Variants in ZFAND3 observed in about 807,000 individuals in gnomAD.
The protein encoded by ZFAND3 is zinc finger AN1-type containing 3.
In ZFAND3, 10 loss-of-function variants were observed where a neutral mutation model predicts 29.6. The observed-to-expected ratio is 0.34, with a 90% CI of 0.21 to 0.57. ZFAND3 has a LOEUF of 0.57. Among genes scored for constraint, ZFAND3 ranks in the 20% least tolerant of loss-of-function variants. The probability of loss-of-function intolerance (pLI) is 0.86; values close to 1 mark genes in which losing one functional copy is unlikely to be tolerated. For synonymous variants in ZFAND3, 128 were observed against 112.6 expected, an observed-to-expected ratio of 1.14 and a Z score of -0.87; for missense variants, 230 against 304.5, an observed-to-expected ratio of 0.76 and a Z score of 1.82.
intron 1 of ZFAND3, among the ~76,000 whole-genome samples, chr6:37,903,244 G>A (rs1765351916): frequency 6.6e-6 from 1 of 152,126 alleles, no homozygotes; most frequent in Non-Finnish European, 1.5e-5. Flanking sequence ...AATTTAAGGT[G>A]TAAATATTTA....
At chr6:37,910,935 T>C (rs748488128) in intron 1 of ZFAND3, among the ~76,000 whole-genome samples, 14 of 152,346 alleles carry the variant, frequency 9.2e-5, no homozygotes, top group Non-Finnish European at 1.5e-4. Flanking sequence ...ATTTTATCCA[T>C]GCATCCATTA....
At chr6:37,885,666 T>C (rs896693852) in intron 1 of ZFAND3, among the ~76,000 whole-genome samples, 1 of 151,966 alleles carries the variant, frequency 6.6e-6, no homozygotes, top group African/African-American at 2.4e-5. Flanking sequence ...TAAAAATAGA[T>C]GTAGAGCTGA....
chr6:37,985,527 A>ACACACCCCCCC (rs753070737), intron 2 of ZFAND3, among the ~76,000 whole-genome samples: 2 of 141,656 alleles, frequency 1.4e-5, no homozygotes, highest in Non-Finnish European at 3.2e-5. Flanking sequence ...ACACACACAC[A>ACACACCCCCCC]CCCCCACACA....
intron 1 of ZFAND3, among the ~76,000 whole-genome samples, chr6:37,868,238 GT>G (rs1764624064): frequency 6.6e-6 from 1 of 152,182 alleles, no homozygotes; most frequent in South Asian, 2.1e-4. Flanking sequence ...TCCCTGCCCT[GT>G]AGGAGTGATA....
chr6:37,939,614 T>C (rs527945856), intron 2 of ZFAND3, among the ~76,000 whole-genome samples: 2 of 152,320 alleles, frequency 1.3e-5, no homozygotes, highest in East Asian at 3.9e-4. Context: ...ATGGAAGAGA[T>C]GTGCACTCAA....
At chr6:37,959,794 G>C (rs1259598923) in intron 2 of ZFAND3, among the ~76,000 whole-genome samples, 2 of 152,062 alleles carry the variant, frequency 1.3e-5, no homozygotes, top group Non-Finnish European at 2.9e-5. Context: ...AGACTAAATA[G>C]AGGCTAGTTC....
At chr6:37,955,980 T>G (rs1762080046) in intron 2 of ZFAND3, among the ~76,000 whole-genome samples, 1 of 152,014 alleles carries the variant, frequency 6.6e-6, no homozygotes, top group Non-Finnish European at 1.5e-5. Flanking sequence ...GGAGGGTGGT[T>G]TAGAGTCGGG....
At chr6:37,933,683 C>G (rs1425276147) in intron 2 of ZFAND3, among the ~76,000 whole-genome samples, 1 of 152,120 alleles carries the variant, frequency 6.6e-6, no homozygotes, top group Non-Finnish European at 1.5e-5. Flanking sequence ...GAAGAGGGCC[C>G]AACCTGGCTG....
chr6:37,904,904 A>G (rs1304504535), intron 1 of ZFAND3, among the ~76,000 whole-genome samples: 2 of 152,188 alleles, frequency 1.3e-5, no homozygotes, highest in Non-Finnish European at 2.9e-5. Flanking sequence ...GAACCCTGCT[A>G]CATGTTGTGT....
chr6:37,976,877 GA>G (rs1762488094), intron 2 of ZFAND3, among the ~76,000 whole-genome samples: 1 of 152,098 alleles, frequency 6.6e-6, no homozygotes, highest in African/African-American at 2.4e-5. Flanking sequence ...TCCTGGTGGG[GA>G]CACGTGGGGA....
At chr6:37,820,594 T>C (rs562551667) in intron 1 of ZFAND3, among the ~76,000 whole-genome samples, 3 of 152,308 alleles carry the variant, frequency 2.0e-5, no homozygotes, top group Admixed American at 1.3e-4. Context: ...AGTTATAAGA[T>C]TGTTGAGGTC....
At chr6:37,900,467 T>C (rs1765299044) in intron 1 of ZFAND3, among the ~76,000 whole-genome samples, 1 of 152,250 alleles carries the variant, frequency 6.6e-6, no homozygotes, top group African/African-American at 2.4e-5. Flanking sequence ...AAAATTTTAA[T>C]ATCAAATAAT....
At chr6:37,985,193 T>C (rs544391128) in intron 2 of ZFAND3, among the ~76,000 whole-genome samples, 1 of 152,286 alleles carries the variant, frequency 6.6e-6, no homozygotes, top group East Asian at 1.9e-4. Flanking sequence ...TGTAGTGGCA[T>C]GTGCCTGTAG....
At chr6:37,931,335 G>C (rs1761590692) in intron 2 of ZFAND3, among the ~76,000 whole-genome samples, 1 of 152,152 alleles carries the variant, frequency 6.6e-6, no homozygotes, top group Non-Finnish European at 1.5e-5. Context: ...GACAATTTGA[G>C]AGAGGCTAGG....
Position 37,875,917 on chromosome 6 carries a change from C to T in ZFAND3, c.72-54042C>T, listed in dbSNP as rs200717887. 1.1e-4 allele frequency among the ~76,000 whole-genome samples: 17 copies of T among 151,872 alleles called. No individual in the cohort carries two copies. In the East Asian group the frequency reaches 3.1e-3, roughly 28 times the overall value. The stretch of plus-strand genomic sequence containing the variant: ...AACTTCTGGGCTCAAGTGATTTTCT[C>T]TCCTTGGCCTCCCAAAGTGTGGAGA... On this transcript the variant is annotated intron_variant, in intron 1 of 5. Coordinates refer to ENST00000287218, the MANE Select transcript of ZFAND3 (RefSeq NM_021943.3).
intron 1 of ZFAND3, among the ~76,000 whole-genome samples, chr6:37,844,744 G>C (rs1339635674): frequency 6.6e-6 from 1 of 151,794 alleles, no homozygotes; most frequent in Admixed American, 6.6e-5. Flanking sequence ...GCTGGGCGCG[G>C]TGGCTTACTC....
intron 5 of ZFAND3, among the ~76,000 whole-genome samples, chr6:38,127,779 G>GTAT (rs1765663062): frequency 6.6e-6 from 1 of 151,808 alleles, no homozygotes; most frequent in African/African-American, 2.4e-5. Flanking sequence ...CTAAATAGTG[G>GTAT]TATTCCATGT....
chr6:38,098,000 A>G (rs1264890453), intron 4 of ZFAND3, among the ~76,000 whole-genome samples: 1 of 152,176 alleles, frequency 6.6e-6, no homozygotes, highest in African/African-American at 2.4e-5. Context: ...TTCTTAAGAA[A>G]ATTGAGAATT....
chr6:37,841,253 A>T lies in ZFAND3; in HGVS notation c.71+21237A>T, dbSNP rs182203847. On this transcript the variant is annotated intron_variant, in intron 1 of 5. Coordinates refer to ENST00000287218, the MANE Select transcript of ZFAND3 (RefSeq NM_021943.3). ...AGAGAGACTATTTCTCTAGTGTCTG[A>T]TTTTCTCCTCCCCCATAACATTTTA... Among the ~76,000 whole-genome samples the T allele has an allele frequency of 9.3e-3, 1,414 of 152,202 alleles. 17 individuals are homozygous for T. The highest frequency in any genetic ancestry group is 0.011 in the Non-Finnish European group (725 of 67,998).
Sources: allele counts gnomAD v4.1 joint callset (sites outside exome capture counted in the v4.1 genomes callset), GRCh38; gene constraint gnomAD v4.1.1; transcripts MANE v1.5; gene names NCBI Gene and HGNC (gene_info 2026-07-23, HGNC 2026-07-21).